EVI5: variants seen among roughly 807,000 people sequenced by gnomAD.
EVI5 encodes the protein ecotropic viral integration site 5 protein homolog.
In EVI5, 73 loss-of-function variants were observed where a neutral mutation model predicts 112.0. That is an observed-to-expected ratio of 0.65 (90% CI 0.54 to 0.79). The LOEUF is 0.79. Ranked by LOEUF, EVI5 falls within the 30% of genes least tolerant of loss-of-function variation. The pLI is 0.00. For synonymous variants in EVI5, 305 were observed against 319.9 expected (o/e 0.95, Z 0.50); for missense variants, 900 against 968.8 (o/e 0.93, Z 0.94).
chr1:92,700,265 A>G (rs1254209261), intron 5 of EVI5, among the ~76,000 whole-genome samples: 2 of 152,220 alleles, frequency 1.3e-5, no homozygotes, highest in Admixed American at 6.5e-5. Flanking sequence ...TATACCTAAT[A>G]TTATAGGAGT....
chr1:92,695,421 T>C lies in EVI5; in HGVS notation c.798A>G (p.Gln266=), dbSNP rs148028145. The C allele has an allele frequency of 5.3e-5, 85 of 1,608,248 alleles. No homozygotes were observed. The highest frequency in any genetic ancestry group is 6.3e-5 in the Non-Finnish European group (74 of 1,175,502). The change falls in exon 7 of 20, where the codon CAA becomes CAG. Residue 266 remains glutamine (Q), a synonymous_variant. Transcript: ENST00000684568. ...ACATTGAGGTATGAAAACTCTGAGATTGAAAATGTACAAAGAGCTCTGGAA... is the reference window on the plus strand; with the variant it reads ...ACATTGAGGTATGAAAACTCTGAGACTGAAAATGTACAAAGAGCTCTGGAA... The part of the protein sequence containing the change: ...EHLPELFVHF[Q]SQSFHTSMYA...
rs1218936294 is a variant in EVI5, at chr1:92,510,415, A to G, written c.*3241T>C. On this transcript the variant is annotated 3_prime_UTR_variant, in exon 20 of 20. Coordinates refer to ENST00000684568, the MANE Select transcript of EVI5 (RefSeq NM_001350197.2). ...AGTTTTCTATGGAATAAGAGACTTC[A>G]TCATATAAAATGGCTGGCATGTTTT... The G allele has an allele frequency of 6.6e-6, 1 of 152,244 alleles. No homozygotes were observed. The highest frequency in any genetic ancestry group is 6.5e-5 in the Admixed American group (1 of 15,284). The allele number at this position is 152,244 out of a possible 1,614,324, so 9.4% of individuals were successfully genotyped here. A position where few individuals can be genotyped will look rare whatever the true frequency, so the allele number is the denominator to read the frequency against.
chr1:92,703,932 C>CAAACAA (rs1671585515), intron 3 of EVI5: 1 of 82,014 alleles, frequency 1.2e-5, no homozygotes, highest in Non-Finnish European at 2.1e-5. Context: ...CTGTTGAAGG[C>CAAACAA]AAAAAAAAAA....
intron 19 of EVI5, among the ~76,000 whole-genome samples, chr1:92,547,873 A>T (rs1373224608): frequency 6.6e-6 from 1 of 152,226 alleles, no homozygotes; most frequent in African/African-American, 2.4e-5. Context: ...CCAACCAAAA[A>T]AAGTCCAGGA....
chr1:92,707,383 G>GA lies in EVI5; in HGVS notation c.150-2640dup, dbSNP rs200972828. On this transcript the variant is annotated intron_variant, in intron 2 of 19. Coordinates refer to ENST00000684568, the MANE Select transcript of EVI5 (RefSeq NM_001350197.2). ...GGCAAGCCAGACCAGAGAGTAAGAA[G>GA]AAAAAAAAAAGTCTAAACACAGGTA... 9.1e-5 allele frequency among the ~76,000 whole-genome samples: 13 copies of GA among 143,024 alleles called. 1 individual carries two copies. The highest frequency in any genetic ancestry group is 5.5e-4 in the Admixed American group (8 of 14,416). The allele number at this position is 143,024 out of a possible 152,430, so 93.8% of individuals were successfully genotyped here. A position where few individuals can be genotyped will look rare whatever the true frequency, so the allele number is the denominator to read the frequency against.
intron 1 of EVI5, among the ~76,000 whole-genome samples, chr1:92,749,494 T>G (rs1679850014): frequency 1.3e-5 from 2 of 152,152 alleles, no homozygotes; most frequent in South Asian, 4.1e-4. Context: ...AGAGACTGCC[T>G]TGAATACCTC....
At chr1:92,761,057 C>CA (rs35833050) in intron 1 of EVI5, among the ~76,000 whole-genome samples, 87,346 of 106,188 alleles carry the variant, frequency 0.82, 36,673 homozygotes, top group East Asian at 0.94. Context: ...GGCTCCATCT[C>CA]AAAAAAAAAA....
At chr1:92,599,472 G>T (rs1648656641) in intron 18 of EVI5, among the ~76,000 whole-genome samples, 1 of 151,808 alleles carries the variant, frequency 6.6e-6, no homozygotes, top group Non-Finnish European at 1.5e-5. Context: ...AAAGTTTCAG[G>T]TTTTAATGAA....
chr1:92,740,149 CAT>C (rs984671515), intron 1 of EVI5, among the ~76,000 whole-genome samples: 17 of 152,206 alleles, frequency 1.1e-4, no homozygotes, highest in Admixed American at 2.0e-4. Flanking sequence ...TGAATGAACA[CAT>C]GAGATGATTT....
At chr1:92,723,711 C>G (rs929416192) in intron 2 of EVI5, among the ~76,000 whole-genome samples, 15 of 152,182 alleles carry the variant, frequency 9.9e-5, no homozygotes, top group Non-Finnish European at 2.9e-5. Flanking sequence ...TTTCAGGGAA[C>G]AAGGGAAGAT....
intron 18 of EVI5, among the ~76,000 whole-genome samples, chr1:92,585,499 C>T (rs536673574): frequency 6.6e-6 from 1 of 152,196 alleles, no homozygotes; most frequent in South Asian, 2.1e-4. Flanking sequence ...TCTCTTAAAA[C>T]AAGTCAGCAT....
intron 18 of EVI5, among the ~76,000 whole-genome samples, chr1:92,585,000 G>T (rs558414313): frequency 6.6e-6 from 1 of 152,234 alleles, no homozygotes; most frequent in South Asian, 2.1e-4. Context: ...GAGGTGAGCA[G>T]ATCACCTGAG....
chr1:92,523,877 G>C (rs1024205546), intron 19 of EVI5, among the ~76,000 whole-genome samples: 2 of 152,098 alleles, frequency 1.3e-5, no homozygotes, highest in Admixed American at 6.6e-5. Context: ...CTTGAGGTCA[G>C]AAGTTCGAGA....
At chr1:92,693,578 C>T (rs910425936) in intron 9 of EVI5, among the ~76,000 whole-genome samples, 2 of 151,878 alleles carry the variant, frequency 1.3e-5, no homozygotes, top group East Asian at 3.9e-4. Context: ...TTCCAGGCTC[C>T]TAATTCTAGT....
intron 2 of EVI5, among the ~76,000 whole-genome samples, chr1:92,730,327 C>T (rs1271082147): frequency 6.6e-6 from 1 of 151,926 alleles, no homozygotes. Context: ...TGCACTACAG[C>T]AGCCTAAGTG....
At chr1:92,670,500 C>G (rs1381868868) in intron 10 of EVI5, among the ~76,000 whole-genome samples, 1 of 152,160 alleles carries the variant, frequency 6.6e-6, no homozygotes, top group Non-Finnish European at 1.5e-5. Flanking sequence ...GCCCTTCTCT[C>G]CCTTCGTAGT....
intron 14 of EVI5, among the ~76,000 whole-genome samples, chr1:92,634,836 G>T (rs566155418): frequency 7.2e-5 from 11 of 152,212 alleles, no homozygotes; most frequent in Admixed American, 2.0e-4. Flanking sequence ...TTCAATGGTG[G>T]TGACGTACAG....
At chr1:92,772,868 T>C (rs1243326332) in intron 1 of EVI5, among the ~76,000 whole-genome samples, 1 of 142,744 alleles carries the variant, frequency 7.0e-6, no homozygotes, top group Non-Finnish European at 1.5e-5. Context: ...ATTGCACCAT[T>C]GCACTCCAGC....
intron 18 of EVI5, among the ~76,000 whole-genome samples, chr1:92,568,125 G>C (rs927185458): frequency 6.6e-6 from 1 of 151,918 alleles, no homozygotes; most frequent in Admixed American, 6.6e-5. Context: ...TGTATTCCTA[G>C]CACTTTCAGA....
Sources: gnomAD v4.1 joint callset for allele counts (sites outside exome capture counted in the v4.1 genomes callset) on GRCh38, gnomAD v4.1.1 for gene constraint, MANE v1.5 for transcripts, NCBI Gene and HGNC (gene_info 2026-07-23, HGNC 2026-07-21) for gene names.